The following EYA2 variants were observed in gnomAD, a reference collection of about 807,000 sequenced individuals.
The protein encoded by EYA2 is protein phosphatase EYA2.
EYA2 carries 31 observed loss-of-function variants against 69.2 expected under a neutral mutation model. That is an observed-to-expected ratio of 0.45 (90% CI 0.34 to 0.60). The LOEUF is 0.60. Ranked by LOEUF, EYA2 falls within the 20% of genes least tolerant of loss-of-function variation. EYA2 has a pLI of 0.02. For synonymous variants in EYA2, 257 were observed against 279.4 expected (o/e 0.92, Z 0.80); for missense variants, 622 against 701.2 (o/e 0.89, Z 1.28).
intron 10 of EYA2, 39 bp from the exon 11 acceptor site, chr20:47,169,100 G>T: frequency 6.6e-7 from 1 of 1,506,958 alleles, no homozygotes. Flanking sequence ...AACCAGGCAT[G>T]TTCTCTCTCT....
At chr20:46,951,066 T>TG (rs1978766547) in intron 1 of EYA2, among the ~76,000 whole-genome samples, 1 of 152,156 alleles carries the variant, frequency 6.6e-6, no homozygotes, top group South Asian at 2.1e-4. Flanking sequence ...ACATTGCACT[T>TG]GCTGCCGTTT....
chr20:47,079,040 A>C (rs1010831813), intron 7 of EYA2, among the ~76,000 whole-genome samples: 3 of 152,240 alleles, frequency 2.0e-5, no homozygotes, highest in Non-Finnish European at 4.4e-5. Flanking sequence ...AGTGATAACC[A>C]CAAGGGTTTT....
At chr20:46,911,451 T>C (rs1467580704) in intron 1 of EYA2, among the ~76,000 whole-genome samples, 1 of 152,132 alleles carries the variant, frequency 6.6e-6, no homozygotes, top group Non-Finnish European at 1.5e-5. Flanking sequence ...AGGTTATGAG[T>C]TGGCTGATTT....
chr20:46,905,780 G>A (rs751564227), intron 1 of EYA2, among the ~76,000 whole-genome samples: 4 of 152,140 alleles, frequency 2.6e-5, no homozygotes, highest in Non-Finnish European at 4.4e-5. Context: ...CTCCTCATCA[G>A]CCCATGGAGC....
At chr20:47,086,605 C>T (rs7267331) in intron 7 of EYA2, among the ~76,000 whole-genome samples, 92,657 of 151,842 alleles carry the variant, frequency 0.61, 29,723 homozygotes, top group East Asian at 0.72. Context: ...GTGCGGTACC[C>T]GGGGAGGGGA....
chr20:47,164,737 A>T (rs1175526260), intron 10 of EYA2, among the ~76,000 whole-genome samples: 1 of 152,160 alleles, frequency 6.6e-6, no homozygotes, highest in Non-Finnish European at 1.5e-5. Flanking sequence ...CTGTAAATGG[A>T]TGCCCTGGCT....
chr20:47,000,821 C>G (rs899536808), intron 2 of EYA2, among the ~76,000 whole-genome samples: 3 of 152,092 alleles, frequency 2.0e-5, no homozygotes, highest in East Asian at 1.9e-4. Flanking sequence ...AGGAGATGAT[C>G]GAAGTGGTTC....
chr20:47,044,814 T>C (rs1430592667), intron 5 of EYA2, among the ~76,000 whole-genome samples: 2 of 152,236 alleles, frequency 1.3e-5, no homozygotes, highest in East Asian at 3.9e-4. Context: ...GGTCATACAA[T>C]CGGAGAACAG....
intron 9 of EYA2, among the ~76,000 whole-genome samples, chr20:47,115,746 G>A (rs2032872491): frequency 6.6e-6 from 1 of 152,192 alleles, no homozygotes; most frequent in Non-Finnish European, 1.5e-5. Flanking sequence ...AAATGGGATT[G>A]TGCCACCTTC....
intron 10 of EYA2, among the ~76,000 whole-genome samples, chr20:47,147,239 G>A (rs1005239432): frequency 2.0e-5 from 3 of 151,890 alleles, no homozygotes; most frequent in Non-Finnish European, 4.4e-5. Flanking sequence ...AGTAGAAACA[G>A]GGCTTCACCT....
At chr20:47,118,510 G>GGA (rs2032965034) in intron 9 of EYA2, among the ~76,000 whole-genome samples, 1 of 151,500 alleles carries the variant, frequency 6.6e-6, no homozygotes, top group African/African-American at 2.4e-5. Context: ...ATTGTTTGAG[G>GGA]TGTTGGATGG....
chr20:46,945,912 G>A (rs1484646487), intron 1 of EYA2, among the ~76,000 whole-genome samples: 1 of 152,230 alleles, frequency 6.6e-6, no homozygotes, highest in Non-Finnish European at 1.5e-5. Flanking sequence ...GTCTCACGGT[G>A]CAGAAGACAC....
intron 1 of EYA2, among the ~76,000 whole-genome samples, chr20:46,958,275 A>G (rs1179232255): frequency 6.6e-6 from 1 of 152,094 alleles, no homozygotes. Flanking sequence ...AGCATTCCCC[A>G]CAGGCTCTCC....
chr20:47,166,259 G>A (rs1451391605), intron 10 of EYA2, among the ~76,000 whole-genome samples: 1 of 151,534 alleles, frequency 6.6e-6, no homozygotes, highest in Non-Finnish European at 1.5e-5. Context: ...AATTAGCTAG[G>A]CATGGTGGCA....
At position 47,187,973 on chromosome 20, in the gene EYA2, C is replaced by T; in HGVS notation, c.1537-80C>T. 4 of 1,448,746 alleles carry T rather than the reference C, an allele frequency of 2.8e-6. No individual in the cohort carries two copies. In the South Asian group the frequency reaches 4.9e-5, roughly 18 times the overall value. 89.7% of individuals were successfully genotyped at this position (1,448,746 alleles called of 1,614,324 possible). A position where few individuals can be genotyped will look rare whatever the true frequency, so the allele number is the denominator to read the frequency against. On this transcript the variant is annotated intron_variant, in intron 15 of 15. Coordinates refer to ENST00000327619, the MANE Select transcript of EYA2 (RefSeq NM_005244.5). ...GCTAGACTTAACTGGGTTGACTTCTCACATGCCCTCTAACCACAGGCGTGG... is the reference window on the plus strand; with the variant it reads ...GCTAGACTTAACTGGGTTGACTTCTTACATGCCCTCTAACCACAGGCGTGG...
rs189324412 is a variant in EYA2 at position 47,028,080 on chromosome 20, T to C, written c.415+11783T>C. 1.6e-4 allele frequency among the ~76,000 whole-genome samples: 24 copies of C among 152,180 alleles called. No homozygotes were observed. The East Asian group carries it at 4.4e-3, about 28-fold the overall frequency. On this transcript the variant is annotated intron_variant, in intron 5 of 15. Coordinates refer to ENST00000327619, the MANE Select transcript of EYA2 (RefSeq NM_005244.5). ...CTTCAGAATGGGATTGCTGTTCTTA[T>C]AAAAAGAAAGAGAGAGAGAGATCTC...
intron 7 of EYA2, among the ~76,000 whole-genome samples, chr20:47,079,118 C>T (rs2031626294): frequency 6.6e-6 from 1 of 152,146 alleles, no homozygotes; most frequent in African/African-American, 2.4e-5. Flanking sequence ...TTATCCTTTT[C>T]AATTTCTGTT....
intron 1 of EYA2, among the ~76,000 whole-genome samples, chr20:46,902,284 AAC>A (rs34241284): frequency 0.32 from 49,346 of 152,026 alleles, 8,803 homozygotes; most frequent in East Asian, 0.4. Flanking sequence ...TTTTTAAGAA[AAC>A]ACAGAGTTGT....
intron 1 of EYA2, among the ~76,000 whole-genome samples, chr20:46,912,292 A>G (rs201475005): frequency 1.3e-5 from 2 of 152,216 alleles, no homozygotes. Context: ...ATATTCAGGG[A>G]GGAATCTCAT....
Sources: gnomAD v4.1 joint callset for allele counts (sites outside exome capture counted in the v4.1 genomes callset) on GRCh38, gnomAD v4.1.1 for gene constraint, MANE v1.5 for transcripts, NCBI Gene and HGNC (gene_info 2026-07-23, HGNC 2026-07-21) for gene names.